Variants in CLPB observed in about 807,000 individuals in gnomAD.
CLPB encodes ClpB family mitochondrial disaggregase, also known as mitochondrial disaggregase.
CLPB carries 40 observed loss-of-function variants against 78.4 expected under a neutral mutation model. The ratio of observed to expected loss-of-function variants is 0.51; its 90% CI spans 0.40 to 0.66. The LOEUF is 0.66. Among genes scored for constraint, CLPB ranks in the 30% least tolerant of loss-of-function variants. The pLI is 0.00. For synonymous variants in CLPB, 333 were observed against 348.0 expected (o/e 0.96, Z 0.48); for missense variants, 780 against 886.9 (o/e 0.88, Z 1.53).
intron 9 of CLPB, among the ~76,000 whole-genome samples, chr11:72,303,393 T>C (rs373147191): frequency 4.6e-5 from 7 of 152,266 alleles, no homozygotes; most frequent in African/African-American, 1.7e-4. Flanking sequence ...GTACTTTTAG[T>C]TCTTTCTCTG....
intron 5 of CLPB, among the ~76,000 whole-genome samples, chr11:72,355,695 C>A (rs1197630433): frequency 6.6e-6 from 1 of 152,194 alleles, no homozygotes; most frequent in Non-Finnish European, 1.5e-5. Context: ...TTACTCCATG[C>A]CACCTCCTAA....
intron 2 of CLPB, among the ~76,000 whole-genome samples, chr11:72,412,859 A>G (rs1490021511): frequency 1.3e-5 from 2 of 152,238 alleles, no homozygotes; most frequent in Non-Finnish European, 1.5e-5. Context: ...CTGGGTGATC[A>G]TTCTTTGTCC....
At chr11:72,431,611 G>A (rs1376609701) in intron 1 of CLPB, among the ~76,000 whole-genome samples, 2 of 152,156 alleles carry the variant, frequency 1.3e-5, no homozygotes, top group African/African-American at 2.4e-5. Context: ...CTTACCGGAT[G>A]TACCTAAAGC....
intron 11 of CLPB, 50 bp from the exon 12 acceptor site, chr11:72,295,698 C>T (rs775625894): frequency 6.3e-7 from 1 of 1,585,332 alleles, no homozygotes; most frequent in Non-Finnish European, 8.6e-7. Context: ...TGTGCCTGGG[C>T]AGGCCTTAGC....
intron 5 of CLPB, among the ~76,000 whole-genome samples, chr11:72,348,636 A>T (rs565949840): frequency 6.6e-6 from 1 of 152,236 alleles, no homozygotes; most frequent in South Asian, 2.1e-4. Context: ...ATTCCCCATG[A>T]CAGCTGTTAA....
intron 4 of CLPB, among the ~76,000 whole-genome samples, chr11:72,372,108 CGAA>C (rs1181431588): frequency 1.1e-4 from 17 of 152,192 alleles, no homozygotes; most frequent in South Asian, 8.3e-4. Context: ...GCTCAGAGAG[CGAA>C]GAAGAACTGC....
chr11:72,378,490 C>T (rs890590531), intron 4 of CLPB, among the ~76,000 whole-genome samples: 1 of 152,202 alleles, frequency 6.6e-6, no homozygotes, highest in Non-Finnish European at 1.5e-5. Flanking sequence ...GACTTATTCA[C>T]TATCACAAGA....
At chr11:72,359,277 G>C (rs1950788850) in intron 4 of CLPB, 2 of 587,312 alleles carry the variant, frequency 3.4e-6, no homozygotes, top group African/African-American at 3.7e-5. Context: ...TGACCTAACT[G>C]ACAAGGGAGG....
chr11:72,433,672 G>A (rs1345172545), intron 1 of CLPB, among the ~76,000 whole-genome samples: 2 of 152,050 alleles, frequency 1.3e-5, no homozygotes, highest in Admixed American at 1.3e-4. Flanking sequence ...GGGGGGAGCG[G>A]TTTGGCAACT....
chr11:72,392,254 G>A (rs1855276911), intron 3 of CLPB, among the ~76,000 whole-genome samples: 1 of 152,082 alleles, frequency 6.6e-6, no homozygotes, highest in Non-Finnish European at 1.5e-5. Context: ...GTCCCAAGGA[G>A]AAGACAAAGA....
chr11:72,425,550 C>G (rs1381077521), intron 2 of CLPB, among the ~76,000 whole-genome samples: 1 of 152,234 alleles, frequency 6.6e-6, no homozygotes, highest in African/African-American at 2.4e-5. Context: ...GGGACTGTTT[C>G]TCCTTCCTCA....
rs953917462 is a variant in CLPB at position 72,308,752 on chromosome 11, C to G, written c.989-148G>C. The G allele has an allele frequency of 5.5e-6, 4 of 726,644 alleles. No homozygotes were observed. The Admixed American group carries it at 8.2e-5, about 15-fold the overall frequency. 45.0% of individuals were successfully genotyped at this position (726,644 alleles called of 1,614,324 possible). ...CTCACTACCATTAGTGCTGCCTAAT[C>G]TGATTAGCTGGCAAGGCCCCTAGAG... On this transcript the variant is annotated intron_variant, in intron 7 of 15. Transcript: ENST00000538039.
intron 7 of CLPB, 129 bp downstream of exon 7, chr11:72,316,976 CT>C (rs1949954304): frequency 1.8e-6 from 1 of 561,280 alleles, no homozygotes; most frequent in Non-Finnish European, 3.1e-6. Flanking sequence ...ATAACAATGT[CT>C]GGCATGTAGA....
rs1455017430 is a variant in CLPB, at chr11:72,386,713, C to A, written c.543-6329G>T. On this transcript the variant is annotated intron_variant, in intron 3 of 15. Coordinates refer to ENST00000538039, the MANE Select transcript of CLPB (RefSeq NM_001258392.3). ...AGTCTTCTGTGCCTACTCACCTTACCTAAAATAACTTTTAAAATTACCTTC... is the reference window on the plus strand; with the variant it reads ...AGTCTTCTGTGCCTACTCACCTTACATAAAATAACTTTTAAAATTACCTTC... 2.0e-5 allele frequency among the ~76,000 whole-genome samples: 3 copies of A among 152,238 alleles called. No homozygotes were observed. The East Asian group carries it at 5.8e-4, about 29-fold the overall frequency.
At chr11:72,371,257 C>T (rs767325741) in intron 4 of CLPB, among the ~76,000 whole-genome samples, 1 of 151,916 alleles carries the variant, frequency 6.6e-6, no homozygotes, top group African/African-American at 2.4e-5. Context: ...TTGGGCAGGG[C>T]GTGGTGGCTC....
In CLPB at chr11:72,391,352, C is replaced by T. The variant is rs147233144; in HGVS notation, c.543-10968G>A. Among the ~76,000 whole-genome samples, 568 of 152,306 alleles carry T rather than the reference C, an allele frequency of 3.7e-3. 2 individuals carry two copies. The highest frequency in any genetic ancestry group is 9.5e-3 in the South Asian group (46 of 4,820). ...TTCCCAGTATGAGTCCATGCTCTTT[C>T]TCTTTGTCTGCACAGCACCCAGTAC... On this transcript the variant is annotated intron_variant, in intron 3 of 15. Coordinates refer to ENST00000538039, the MANE Select transcript of CLPB (RefSeq NM_001258392.3).
chr11:72,407,849 G>T (rs113165548), intron 2 of CLPB, among the ~76,000 whole-genome samples: 18 of 151,988 alleles, frequency 1.2e-4, no homozygotes, highest in African/African-American at 3.6e-4. Flanking sequence ...GGGTTTCACC[G>T]TATTAGCCAG....
chr11:72,430,301 G>A lies in CLPB; in HGVS notation c.455+11C>T. On this transcript the variant is annotated intron_variant, in intron 2 of 15. Transcript: ENST00000538039. ...CCTGTAGGGGAGAGCAAGGCCTGGGGTTCAACTCACCTGCTGACTTCTTGC... is the reference window on the plus strand; with the variant it reads ...CCTGTAGGGGAGAGCAAGGCCTGGGATTCAACTCACCTGCTGACTTCTTGC... 1 of 1,612,324 alleles carries A rather than the reference G, an allele frequency of 6.2e-7. No individual in the cohort carries two copies. The highest frequency in any genetic ancestry group is 8.5e-7 in the Non-Finnish European group (1 of 1,179,494).
At chr11:72,399,986 T>C (rs185779769) in intron 3 of CLPB, among the ~76,000 whole-genome samples, 13 of 152,344 alleles carry the variant, frequency 8.5e-5, no homozygotes, top group African/African-American at 2.9e-4. Context: ...CCCTGACCAA[T>C]GTACTCCTGG....
Sources: allele counts gnomAD v4.1 joint callset (sites outside exome capture counted in the v4.1 genomes callset), GRCh38; gene constraint gnomAD v4.1.1; transcripts MANE v1.5; gene names NCBI Gene and HGNC (gene_info 2026-07-23, HGNC 2026-07-21).